The following AUTS2 variants were observed in gnomAD, a reference collection of about 807,000 sequenced individuals.
The protein encoded by AUTS2 is autism susceptibility gene 2 protein.
AUTS2 carries 17 observed loss-of-function variants against 112.4 expected under a neutral mutation model. That is an observed-to-expected ratio of 0.15 (90% CI 0.10 to 0.23). The LOEUF (loss-of-function observed/expected upper bound fraction) is 0.23, where lower values mean the gene tolerates loss of function less well. Ranked by LOEUF, AUTS2 falls within the 10% of genes least tolerant of loss-of-function variation. The pLI, the probability that AUTS2 is intolerant of heterozygous loss-of-function variation, is 1.00. For missense variants in AUTS2, 1,510 were observed against 1,701.6 expected (o/e 0.89, Z 1.98); for synonymous variants, 751 against 702.7 (o/e 1.07, Z -1.09).
chr7:70,502,068 C>T (rs1798791262), intron 5 of AUTS2, among the ~76,000 whole-genome samples: 1 of 152,156 alleles, frequency 6.6e-6, no homozygotes, highest in African/African-American at 2.4e-5. Context: ...CAAGCTGTTC[C>T]TGAGATGTGT....
At chr7:69,748,904 A>T (rs1264864124) in intron 1 of AUTS2, among the ~76,000 whole-genome samples, 9 of 152,196 alleles carry the variant, frequency 5.9e-5, no homozygotes, top group Non-Finnish European at 7.3e-5. Flanking sequence ...TGGGAAAATA[A>T]ATCACTGATA....
intron 6 of AUTS2, among the ~76,000 whole-genome samples, chr7:70,747,012 G>A (rs117386807): frequency 1.3e-4 from 20 of 152,296 alleles, no homozygotes; most frequent in Non-Finnish European, 2.2e-4. Flanking sequence ...TCTGAGCTTA[G>A]ATGATGGGGA....
At chr7:70,651,447 T>C (rs543860834) in intron 5 of AUTS2, among the ~76,000 whole-genome samples, 1 of 152,302 alleles carries the variant, frequency 6.6e-6, no homozygotes, top group African/African-American at 2.4e-5. Flanking sequence ...ATATTTTAAG[T>C]CAAAAATGCA....
intron 1 of AUTS2, among the ~76,000 whole-genome samples, chr7:69,808,945 AC>A (rs895558283): frequency 7.9e-5 from 12 of 151,926 alleles, no homozygotes; most frequent in African/African-American, 2.7e-4. Flanking sequence ...TGGACATCAC[AC>A]CCTTTTGATG....
intron 2 of AUTS2, among the ~76,000 whole-genome samples, chr7:69,946,951 A>G (rs992505218): frequency 1.2e-4 from 18 of 152,172 alleles, no homozygotes; most frequent in African/African-American, 4.3e-4. Context: ...TCTGTCTGCC[A>G]GTTCTCTCAT....
chr7:70,370,449 G>T (rs891796942), intron 4 of AUTS2, among the ~76,000 whole-genome samples: 1 of 152,132 alleles, frequency 6.6e-6, no homozygotes, highest in Non-Finnish European at 1.5e-5. Context: ...CCTTGTGGCT[G>T]ATTTCTTTCA....
intron 5 of AUTS2, among the ~76,000 whole-genome samples, chr7:70,612,050 G>T (rs755738130): frequency 9.2e-5 from 14 of 152,162 alleles, no homozygotes; most frequent in Non-Finnish European, 2.1e-4. Context: ...GTGTGCATTG[G>T]TTGTTATACT....
intron 4 of AUTS2, among the ~76,000 whole-genome samples, chr7:70,162,599 C>G (rs1216056820): frequency 6.6e-6 from 1 of 151,184 alleles, no homozygotes; most frequent in East Asian, 2.0e-4. Context: ...ACTGTGTTAA[C>G]TCTTTAATTT....
intron 6 of AUTS2, among the ~76,000 whole-genome samples, chr7:70,735,158 G>T (rs188275086): frequency 1.1e-4 from 17 of 152,270 alleles, no homozygotes; most frequent in Middle Eastern, 3.4e-3. Context: ...AATTCTTAGG[G>T]TAAGTGTCCT....
At chr7:69,792,011 A>G (rs1789625842) in intron 1 of AUTS2, among the ~76,000 whole-genome samples, 1 of 152,154 alleles carries the variant, frequency 6.6e-6, no homozygotes, top group East Asian at 1.9e-4. Flanking sequence ...GTCGATAGGC[A>G]TTCCTGCAGG....
intron 5 of AUTS2, among the ~76,000 whole-genome samples, chr7:70,571,469 G>T (rs1250520347): frequency 6.6e-6 from 1 of 152,200 alleles, no homozygotes. Context: ...CCCTTGGAAA[G>T]GTACAGGACA....
At chr7:70,682,773 G>C (rs1308836831) in intron 5 of AUTS2, among the ~76,000 whole-genome samples, 1 of 152,270 alleles carries the variant, frequency 6.6e-6, no homozygotes, top group East Asian at 1.9e-4. Context: ...CATGGCATCT[G>C]CTAAGGCAAG....
rs528769872 is a variant in AUTS2, at chr7:70,315,562, C to T, written c.661-120190C>T. On this transcript the variant is annotated intron_variant, in intron 4 of 18. Coordinates refer to ENST00000342771, the MANE Select transcript of AUTS2 (RefSeq NM_015570.4). The stretch of plus-strand genomic sequence containing the variant: ...CATTGTTATTCTTTCTGTTCCTGGC[C>T]TCCTTCGGGAACCCAAAAGCCACAT... Among the ~76,000 whole-genome samples the T allele has an allele frequency of 5.6e-4, 85 of 152,252 alleles. 1 individual carries two copies. The South Asian group carries it at 6.8e-3, about 12-fold the overall frequency.
At chr7:70,615,172 G>A (rs541463035) in intron 5 of AUTS2, among the ~76,000 whole-genome samples, 14 of 152,290 alleles carry the variant, frequency 9.2e-5, no homozygotes, top group South Asian at 2.1e-4. Context: ...CATGAGTTCC[G>A]TCTTCTGTAG....
At position 70,784,810 on chromosome 7, in the gene AUTS2, G is replaced by A. The variant is rs1051249095; in HGVS notation, c.2147-132G>A. 7.2e-6 allele frequency: 5 copies of A among 691,544 alleles called. No homozygotes were observed. The East Asian group carries it at 8.3e-5, about 11-fold the overall frequency. 42.8% of individuals were successfully genotyped at this position (691,544 alleles called of 1,614,324 possible). A position where few individuals can be genotyped will look rare whatever the true frequency, so the allele number is the denominator to read the frequency against. ...TTTTACCCTGTGTCTTGCCTGCAGG[G>A]GCCTGGGTGGACTTCAGCCATGACC... is the stretch of plus-strand genomic sequence containing the variant. On this transcript the variant is annotated intron_variant, in intron 15 of 18. Coordinates refer to ENST00000342771, the MANE Select transcript of AUTS2 (RefSeq NM_015570.4).
intron 1 of AUTS2, among the ~76,000 whole-genome samples, chr7:69,651,576 A>G (rs1430475189): frequency 2.0e-5 from 3 of 152,242 alleles, no homozygotes; most frequent in Admixed American, 2.0e-4. Flanking sequence ...TCAGGTAACC[A>G]GAGGTAGTTA....
At chr7:70,767,449 G>A (rs1790013464) in intron 9 of AUTS2, among the ~76,000 whole-genome samples, 1 of 152,138 alleles carries the variant, frequency 6.6e-6, no homozygotes, top group Non-Finnish European at 1.5e-5. Flanking sequence ...TTTTCTGCTG[G>A]CCTGTGTGAG....
intron 4 of AUTS2, among the ~76,000 whole-genome samples, chr7:70,229,805 A>C (rs1811950364): frequency 6.6e-6 from 1 of 152,072 alleles, no homozygotes; most frequent in Non-Finnish European, 1.5e-5. Context: ...TCTGTGTTGA[A>C]ATGCACTGAT....
intron 4 of AUTS2, among the ~76,000 whole-genome samples, chr7:70,367,091 C>G (rs1430412095): frequency 6.6e-6 from 1 of 152,018 alleles, no homozygotes. Flanking sequence ...TTTAGACCAG[C>G]CTCACCAACA....
Sources: gnomAD v4.1 joint callset for allele counts (sites outside exome capture counted in the v4.1 genomes callset) on GRCh38, gnomAD v4.1.1 for gene constraint, MANE v1.5 for transcripts, NCBI Gene and HGNC (gene_info 2026-07-23, HGNC 2026-07-21) for gene names.